The following MYO7A variants were observed in gnomAD, a reference collection of about 807,000 sequenced individuals.
MYO7A encodes myosin VIIA, also known as unconventional myosin-VIIa.
In MYO7A, 210 loss-of-function variants were observed where a neutral mutation model predicts 263.8. The ratio of observed to expected loss-of-function variants is 0.80; its 90% confidence interval spans 0.71 to 0.89. The LOEUF is 0.89. MYO7A is among the 40% of genes least tolerant of loss of function. MYO7A has a pLI of 0.00. For synonymous variants in MYO7A, 1,239 were observed against 1,197.3 expected (o/e 1.03, Z -0.72); for missense variants, 2,820 against 2,968.3 (o/e 0.95, Z 1.16).
chr11:77,196,298 G>A (rs573680788), intron 32 of MYO7A, among the ~76,000 whole-genome samples: 2 of 151,946 alleles, frequency 1.3e-5, no homozygotes, highest in Non-Finnish European at 2.9e-5. Context: ...CTCGGGAGGC[G>A]GAGGTTGCAG....
At chr11:77,158,549 G>A in intron 9 of MYO7A, 119 bp downstream of exon 9, 2 of 1,263,294 alleles carry the variant, frequency 1.6e-6, no homozygotes, top group South Asian at 1.6e-5. Context: ...CTTTGGGATG[G>A]AAGCTGGGAA....
intron 15 of MYO7A, 120 bp downstream of exon 15, chr11:77,166,282 C>A: frequency 1.2e-6 from 1 of 844,322 alleles, no homozygotes; most frequent in Non-Finnish European, 2.0e-6. Flanking sequence ...GGGTATGGAG[C>A]TTTGCTGTGG....
chr11:77,196,097 G>A (rs762799934), intron 32 of MYO7A, among the ~76,000 whole-genome samples: 14 of 152,238 alleles, frequency 9.2e-5, no homozygotes, highest in South Asian at 6.2e-4. Context: ...GGCCAGGCGC[G>A]GTGGCTCACG....
chr11:77,199,275 A>G (rs1302679533), intron 34 of MYO7A, among the ~76,000 whole-genome samples: 1 of 152,208 alleles, frequency 6.6e-6, no homozygotes, highest in East Asian at 1.9e-4. Context: ...TGAATAGGCC[A>G]TTTTAAAGCA....
intron 47 of MYO7A, among the ~76,000 whole-genome samples, chr11:77,213,642 G>A (rs1958001485): frequency 6.6e-6 from 1 of 152,190 alleles, no homozygotes; most frequent in Non-Finnish European, 1.5e-5. Flanking sequence ...CCGAGTTCTG[G>A]CCCCAAGTAC....
rs2135555354 is a variant in MYO7A, at chr11:77,190,005, G to A, written c.3631-15G>A. On this transcript the variant is annotated splice_polypyrimidine_tract_variant and intron_variant, in intron 28 of 48. Transcript: ENST00000409709. The stretch of plus-strand genomic sequence containing the variant: ...GGAGCCCCAGGGGCCGCCTCAGCGG[G>A]TACTCTGGCTGCAGTACCTGCGGAA... 6.6e-7 allele frequency: 1 copy of A among 1,525,354 alleles called. No individual in the cohort carries two copies. The highest frequency in any genetic ancestry group is 8.8e-7 in the Non-Finnish European group (1 of 1,133,022). The allele number at this position is 1,525,354 out of a possible 1,614,324, so 94.5% of individuals were successfully genotyped here.
Position 77,199,607 on chromosome 11 carries a change from A to G in MYO7A, c.4641A>G (p.Gly1547=), listed in dbSNP as rs765283662. 1 of 1,599,708 alleles carries G rather than the reference A, an allele frequency of 6.3e-7. No individual in the cohort carries two copies. The highest frequency in any genetic ancestry group is 8.5e-7 in the Non-Finnish European group (1 of 1,173,738). ...CTGCGCCTCACTCAGGCTGGGCAGG[A>G]CTGACCCCGGCGGGGCCCTGTTCTC... The part of the protein sequence containing the change: ...GCAAPHSGWA[G]LTPAGPCSPC... Residue 1547 remains glycine, a synonymous_variant, in exon 35 of 49, where the codon GGA becomes GGG. Coordinates refer to ENST00000409709, the MANE Select transcript of MYO7A (RefSeq NM_000260.4).
chr11:77,212,634 AG>A, intron 46 of MYO7A: 1 of 444,844 alleles, frequency 2.2e-6, no homozygotes, highest in Non-Finnish European at 4.1e-6. Flanking sequence ...AGGCCTTTTG[AG>A]GAGCTTGGCT....
Position 77,142,729 on chromosome 11 carries a change from C to G in MYO7A, c.39C>G (p.Asp13Glu). Residue 13 changes from aspartate (D) to glutamate (E), a missense_variant, in exon 3 of 49, where the codon GAC becomes GAG. By Grantham distance (45) the Asp-to-Glu change is conservative. Coordinates refer to ENST00000409709, the MANE Select transcript of MYO7A (RefSeq NM_000260.4). ...ILQQGDHVWM[D>E]LRLGQEFDVP... ...CATAGGGGGACCATGTGTGGATGGACCTGAGATTGGGGCAGGAGTTCGACG... is the reference window on the plus strand; with the variant it reads ...CATAGGGGGACCATGTGTGGATGGAGCTGAGATTGGGGCAGGAGTTCGACG... The G allele has an allele frequency of 6.2e-7, 1 of 1,611,184 alleles. No homozygotes were observed. The highest frequency in any genetic ancestry group is 8.5e-7 in the Non-Finnish European group (1 of 1,178,920).
At chr11:77,196,866 C>G (rs1489482359) in intron 32 of MYO7A, among the ~76,000 whole-genome samples, 1 of 152,208 alleles carries the variant, frequency 6.6e-6, no homozygotes, top group African/African-American at 2.4e-5. Context: ...AGAGTTCTCA[C>G]TAGGGCTTGG....
chr11:77,205,694 T>G (rs1365011359), intron 40 of MYO7A, 77 bp downstream of exon 40: 5 of 1,579,770 alleles, frequency 3.2e-6, no homozygotes, highest in Non-Finnish European at 4.3e-6. Flanking sequence ...ATGAGCCCCT[T>G]GGGGATGAGG....
chr11:77,177,736 A>G (rs192543345), intron 19 of MYO7A, 93 bp downstream of exon 19: 269 of 1,050,052 alleles, frequency 2.6e-4, no homozygotes, highest in African/African-American at 2.3e-3. Flanking sequence ...CATGAACACT[A>G]GGAAAAAAAC....
chr11:77,165,408 G>C (rs1953440847), intron 14 of MYO7A, among the ~76,000 whole-genome samples: 1 of 152,158 alleles, frequency 6.6e-6, no homozygotes, highest in Non-Finnish European at 1.5e-5. Context: ...TGGTGCAGGG[G>C]AATCTCCCTA....
chr11:77,150,599 C>T (rs553018629), intron 4 of MYO7A, among the ~76,000 whole-genome samples: 17 of 152,082 alleles, frequency 1.1e-4, no homozygotes, highest in Non-Finnish European at 2.1e-4. Context: ...ATTTTCTGGG[C>T]GAGAGGGAGG....
In MYO7A at chr11:77,162,916, C is replaced by T; in HGVS notation, c.1618C>T (p.Pro540Ser). The T allele has an allele frequency of 6.2e-7, 1 of 1,613,792 alleles. No individual in the cohort carries two copies. The highest frequency in any genetic ancestry group is 8.5e-7 in the Non-Finnish European group (1 of 1,179,848). ...GCACAAGCTCAACGCCAACTACATC[C>T]CCCCCAAGAACAACCATGAGACCCA... ...SQHKLNANYI[P>S]PKNNHETQFG... Residue 540 changes from proline (P) to serine (S), a missense_variant, in exon 14 of 49, where the codon CCC (proline) becomes TCC (serine). By Grantham distance (74) the Pro-to-Ser change is moderately conservative. Transcript: ENST00000409709.
At chr11:77,207,455 A>G in intron 42 of MYO7A, 53 bp downstream of exon 42, 2 of 1,252,856 alleles carry the variant, frequency 1.6e-6, no homozygotes, top group Admixed American at 2.0e-5. Context: ...GGCCATAGGA[A>G]CTTACGGACA....
At chr11:77,163,861 G>T (rs782472922) in intron 14 of MYO7A, among the ~76,000 whole-genome samples, 2 of 151,942 alleles carry the variant, frequency 1.3e-5, no homozygotes, top group African/African-American at 2.4e-5. Flanking sequence ...TTTGACTTTT[G>T]TGAATAGTGC....
intron 34 of MYO7A, 96 bp from the exon 35 acceptor site, chr11:77,199,439 A>G: frequency 7.5e-7 from 1 of 1,328,306 alleles, no homozygotes; most frequent in Non-Finnish European, 9.8e-7. Flanking sequence ...GACTCTGGCC[A>G]GGCCAGCTCT....
chr11:77,208,623 C>G, intron 43 of MYO7A, 74 bp from the exon 44 acceptor site: 12 of 1,497,830 alleles, frequency 8.0e-6, no homozygotes, highest in Non-Finnish European at 1.1e-5. Context: ...AGGGCCTCCT[C>G]TGGGTCTGGG....
Sources: gnomAD v4.1 joint callset for allele counts (sites outside exome capture counted in the v4.1 genomes callset) on GRCh38, gnomAD v4.1.1 for gene constraint, MANE v1.5 for transcripts, NCBI Gene and HGNC (gene_info 2026-07-23, HGNC 2026-07-21) for gene names.